GPC6: variants seen among roughly 807,000 people sequenced by gnomAD.
GPC6 encodes glypican 6.
A neutral mutation model predicts 55.2 loss-of-function variants in GPC6; 14 were observed. The observed-to-expected ratio is 0.25, with a 90% CI of 0.17 to 0.40. The LOEUF (loss-of-function observed/expected upper bound fraction) is 0.40, where lower values mean the gene tolerates loss of function less well. Ranked by LOEUF, GPC6 falls within the 10% of genes least tolerant of loss-of-function variation. The pLI is 1.00. For missense variants in GPC6, 641 were observed against 708.5 expected (o/e 0.90, Z 1.08); for synonymous variants, 278 against 259.6 (o/e 1.07, Z -0.68).
At chr13:93,385,495 G>A (rs879477953) in intron 1 of GPC6, among the ~76,000 whole-genome samples, 1 of 152,224 alleles carries the variant, frequency 6.6e-6, no homozygotes, top group Non-Finnish European at 1.5e-5. Context: ...AAGAGGATGT[G>A]GAGAAACTGT....
intron 2 of GPC6, among the ~76,000 whole-genome samples, chr13:93,797,307 G>A (rs891964135): frequency 6.6e-5 from 10 of 152,080 alleles, no homozygotes; most frequent in African/African-American, 2.4e-4. Context: ...ATGAATGATA[G>A]GCTCCTTTCC....
intron 4 of GPC6, among the ~76,000 whole-genome samples, chr13:94,207,971 A>G (rs1274684179): frequency 6.6e-6 from 1 of 152,234 alleles, no homozygotes; most frequent in Non-Finnish European, 1.5e-5. Flanking sequence ...GAGATAAATT[A>G]CCAGCACCTC....
At position 93,907,437 on chromosome 13, in the gene GPC6, A is replaced by C. The variant is rs538662433; in HGVS notation, c.711+76892A>C. Among the ~76,000 whole-genome samples, 7 of 152,186 alleles carry C rather than the reference A, an allele frequency of 4.6e-5. 1 individual carries two copies. The South Asian group carries it at 1.4e-3, about 32-fold the overall frequency. ...AGACACTTGACCTGTACTTCTTGTT[A>C]TTTTATTTTTAAATAATTGATAAAC... On this transcript the variant is annotated intron_variant, in intron 3 of 8. Transcript: ENST00000377047.
chr13:94,184,779 T>C (rs576289641), intron 4 of GPC6, among the ~76,000 whole-genome samples: 1 of 152,220 alleles, frequency 6.6e-6, no homozygotes, highest in East Asian at 1.9e-4. Flanking sequence ...GACCCAGCAA[T>C]TCAATTACTG....
intron 2 of GPC6, among the ~76,000 whole-genome samples, chr13:93,743,698 TTTTA>T (rs1162010972): frequency 6.6e-6 from 1 of 152,162 alleles, no homozygotes; most frequent in Non-Finnish European, 1.5e-5. Context: ...ATTTCCTTCC[TTTTA>T]TTTTCCTTTC....
At chr13:93,806,328 A>G (rs1886540847) in intron 2 of GPC6, among the ~76,000 whole-genome samples, 1 of 151,818 alleles carries the variant, frequency 6.6e-6, no homozygotes, top group South Asian at 2.1e-4. Context: ...CACTTGCCAC[A>G]ATTTTATTCA....
At chr13:93,793,899 A>G (rs1886122192) in intron 2 of GPC6, among the ~76,000 whole-genome samples, 1 of 152,216 alleles carries the variant, frequency 6.6e-6, no homozygotes. Context: ...AGTTTAAGTC[A>G]GTATGGTGTG....
chr13:94,303,757 A>G (rs1875787122), intron 5 of GPC6, among the ~76,000 whole-genome samples: 1 of 136,306 alleles, frequency 7.3e-6, no homozygotes, highest in South Asian at 2.3e-4. Context: ...GTAATAATTA[A>G]CTCCCTCCAA....
intron 2 of GPC6, among the ~76,000 whole-genome samples, chr13:93,650,459 C>G (rs1324668387): frequency 2.7e-5 from 4 of 149,708 alleles, no homozygotes; most frequent in Non-Finnish European, 5.9e-5. Context: ...TAATCATGCT[C>G]CCCAAAGGAA....
chr13:93,550,508 A>G (rs966205841), intron 2 of GPC6, among the ~76,000 whole-genome samples: 24 of 152,302 alleles, frequency 1.6e-4, no homozygotes, highest in Non-Finnish European at 3.2e-4. Flanking sequence ...ATCCTTATGA[A>G]GAACTTATTC....
chr13:93,669,343 G>A (rs1881268246), intron 2 of GPC6, among the ~76,000 whole-genome samples: 1 of 152,150 alleles, frequency 6.6e-6, no homozygotes, highest in African/African-American at 2.4e-5. Flanking sequence ...TATTTTGTGA[G>A]AAACGGGAAG....
At chr13:93,685,013 A>G (rs1881997009) in intron 2 of GPC6, among the ~76,000 whole-genome samples, 1 of 152,228 alleles carries the variant, frequency 6.6e-6, no homozygotes, top group Admixed American at 6.5e-5. Context: ...TCTGGTAGCA[A>G]AAAATCACTG....
chr13:94,271,210 C>T (rs8001832), intron 4 of GPC6, among the ~76,000 whole-genome samples: 118,035 of 150,524 alleles, frequency 0.78, 46,408 homozygotes, highest in East Asian at 0.93. Context: ...CCAGGATGGT[C>T]TCGATCTCCT....
intron 1 of GPC6, among the ~76,000 whole-genome samples, chr13:93,493,392 G>A (rs1208515445): frequency 1.3e-5 from 1 of 79,532 alleles, no homozygotes; most frequent in East Asian, 7.2e-4. Context: ...TTTTTATTGT[G>A]TCTATTTGAT....
At chr13:93,931,003 A>G (rs985893531) in intron 3 of GPC6, among the ~76,000 whole-genome samples, 1 of 152,018 alleles carries the variant, frequency 6.6e-6, no homozygotes, top group Non-Finnish European at 1.5e-5. Flanking sequence ...ACACTTTTAA[A>G]CAACCAGATC....
chr13:93,890,593 T>G (rs1875616083), intron 3 of GPC6, among the ~76,000 whole-genome samples: 1 of 152,092 alleles, frequency 6.6e-6, no homozygotes, highest in Non-Finnish European at 1.5e-5. Flanking sequence ...TTTACTTTGC[T>G]CTTTAAGTTC....
chr13:93,621,882 T>C (rs1878965775), intron 2 of GPC6, among the ~76,000 whole-genome samples: 1 of 152,302 alleles, frequency 6.6e-6, no homozygotes, highest in East Asian at 1.9e-4. Context: ...TTTTCAGTCC[T>C]CTCTTCTGGC....
chr13:93,287,029 A>C (rs1878152462), intron 1 of GPC6, among the ~76,000 whole-genome samples: 1 of 152,198 alleles, frequency 6.6e-6, no homozygotes, highest in Admixed American at 6.5e-5. Context: ...ATAGTGTATA[A>C]AATTACCTTC....
chr13:93,549,517 C>T (rs9524128), intron 2 of GPC6, among the ~76,000 whole-genome samples: 5,566 of 152,246 alleles, frequency 0.037, 147 homozygotes, highest in Middle Eastern at 0.061. Flanking sequence ...AACTGCAGTG[C>T]AGTCACGCAG....
Sources: allele counts gnomAD v4.1 joint callset (sites outside exome capture counted in the v4.1 genomes callset), GRCh38; gene constraint gnomAD v4.1.1; transcripts MANE v1.5; gene names NCBI Gene and HGNC (gene_info 2026-07-23, HGNC 2026-07-21).